NTRK2: variants seen among roughly 807,000 people sequenced by gnomAD.
NTRK2 encodes the protein BDNF/NT-3 growth factors receptor.
A neutral mutation model predicts 94.5 loss-of-function variants in NTRK2; 13 were observed. The ratio of observed to expected loss-of-function variants is 0.14; its 90% CI spans 0.09 to 0.22. NTRK2 has a LOEUF of 0.22. NTRK2 is among the 10% of genes least tolerant of loss of function. The probability of loss-of-function intolerance (pLI) is 1.00; values close to 1 mark genes in which losing one functional copy is unlikely to be tolerated. For synonymous variants in NTRK2, 372 were observed against 407.4 expected (o/e 0.91, Z 1.05); for missense variants, 639 against 1,071.2 (o/e 0.60, Z 5.63).
intron 17 of NTRK2, among the ~76,000 whole-genome samples, chr9:85,009,977 A>G (rs1017901609): frequency 1.4e-4 from 22 of 152,350 alleles, no homozygotes; most frequent in African/African-American, 5.0e-4. Context: ...TCTCAGGCTA[A>G]TGGTGGAATG....
At chr9:84,688,169 T>A (rs1423416849) in intron 2 of NTRK2, among the ~76,000 whole-genome samples, 1 of 152,132 alleles carries the variant, frequency 6.6e-6, no homozygotes, top group East Asian at 1.9e-4. Context: ...GGAAGGAGCA[T>A]CCTATTGGCT....
At chr9:84,967,605 G>C (rs1378851277) in intron 17 of NTRK2, among the ~76,000 whole-genome samples, 2 of 152,244 alleles carry the variant, frequency 1.3e-5, no homozygotes, top group African/African-American at 2.4e-5. Context: ...TTCTCATAAG[G>C]GGGTGGAGAA....
intron 14 of NTRK2, among the ~76,000 whole-genome samples, chr9:84,880,943 A>G (rs889103347): frequency 6.6e-6 from 1 of 152,256 alleles, no homozygotes; most frequent in African/African-American, 2.4e-5. Flanking sequence ...AATAAAATAC[A>G]TTCAAAATAT....
chr9:84,798,684 C>T (rs1041655982), intron 12 of NTRK2, among the ~76,000 whole-genome samples: 37 of 152,240 alleles, frequency 2.4e-4, no homozygotes, highest in Admixed American at 7.2e-4. Context: ...TCTTATCTGA[C>T]ACAGATGATT....
At chr9:84,743,176 T>A (rs2063794289) in intron 10 of NTRK2, among the ~76,000 whole-genome samples, 3 of 152,108 alleles carry the variant, frequency 2.0e-5, no homozygotes, top group Admixed American at 6.5e-5. Flanking sequence ...TTCCTAGGTG[T>A]GAAAACCCAT....
intron 12 of NTRK2, chr9:84,812,459 C>T (rs1180766053): frequency 3.2e-5 from 34 of 1,051,942 alleles, no homozygotes; most frequent in Middle Eastern, 4.3e-4. Context: ...TGGGGAGGTC[C>T]GAACATTTTC....
At position 84,948,263 on chromosome 9, in the gene NTRK2, C is replaced by G. The variant is rs12003907; in HGVS notation, c.1765-199C>G. Among the ~76,000 whole-genome samples, 1,280 of 152,276 alleles carry G rather than the reference C, an allele frequency of 8.4e-3. 10 individuals are homozygous for G. The highest frequency in any genetic ancestry group is 0.029 in the African/African-American group (1,219 of 41,542). ...CCTGTCTGTAACCTAATGAGAGAAC[C>G]TCTGTGAAAGTGTGTCATAAGCTGG... On this transcript the variant is annotated intron_variant, in intron 15 of 18. Coordinates refer to ENST00000277120, the MANE Select transcript of NTRK2 (RefSeq NM_006180.6).
At chr9:84,672,255 G>A (rs1323269865) in intron 2 of NTRK2, among the ~76,000 whole-genome samples, 1 of 152,178 alleles carries the variant, frequency 6.6e-6, no homozygotes, top group Non-Finnish European at 1.5e-5. Context: ...GGAAATGACA[G>A]CAGAGCAGAG....
chr9:84,808,443 C>T (rs970456309), intron 12 of NTRK2, among the ~76,000 whole-genome samples: 2 of 152,218 alleles, frequency 1.3e-5, no homozygotes, highest in Non-Finnish European at 2.9e-5. Context: ...CATGCTGTCT[C>T]TATCACTAAG....
intron 12 of NTRK2, among the ~76,000 whole-genome samples, chr9:84,831,097 T>C (rs2073518049): frequency 2.0e-5 from 3 of 152,252 alleles, no homozygotes; most frequent in Non-Finnish European, 2.9e-5. Flanking sequence ...ATTTTCCTAG[T>C]ATTGGATGTT....
intron 16 of NTRK2, among the ~76,000 whole-genome samples, chr9:84,951,804 G>A (rs957006435): frequency 1.3e-5 from 2 of 152,120 alleles, no homozygotes; most frequent in Admixed American, 6.5e-5. Flanking sequence ...TCCTCTTTCC[G>A]CAAGGGAGCT....
intron 17 of NTRK2, among the ~76,000 whole-genome samples, chr9:85,016,899 C>T (rs1832290708): frequency 6.6e-6 from 1 of 151,958 alleles, no homozygotes; most frequent in Non-Finnish European, 1.5e-5. Context: ...AAAATCTGCC[C>T]CAAAGAGACA....
chr9:84,990,283 G>A (rs1588130597), intron 17 of NTRK2, among the ~76,000 whole-genome samples: 1 of 152,218 alleles, frequency 6.6e-6, no homozygotes, highest in East Asian at 1.9e-4. Context: ...GCCAGCGCTT[G>A]GGAGTCAAGC....
chr9:84,793,513 C>T lies in NTRK2; in HGVS notation c.1396+41428C>T, dbSNP rs76254385. On this transcript the variant is annotated intron_variant, in intron 12 of 18. Transcript: ENST00000277120. ...TGTGGCCACCTGGAATCTTCCCAAC[C>T]GAGTCCCACAAACACCTCACTGCCT... 7.0e-3 allele frequency among the ~76,000 whole-genome samples: 1,060 copies of T among 152,216 alleles called. 16 individuals are homozygous for T. Among genetic ancestry groups the T allele is most frequent in the African/African-American group, 0.024 (992 of 41,524 alleles).
At chr9:84,678,462 G>A (rs769532487) in intron 2 of NTRK2, among the ~76,000 whole-genome samples, 5 of 152,186 alleles carry the variant, frequency 3.3e-5, no homozygotes, top group Admixed American at 6.5e-5. Flanking sequence ...TCTTCTCAAC[G>A]CTAATCTTTG....
Position 85,024,911 on chromosome 9 carries a change from A to G in NTRK2, c.*3474A>G, listed in dbSNP as rs1832959602. ...CTGTGATGTTTTCATGTATTTATGT[A>G]TGTGTTATAAATACTTGATTTATAC... On this transcript the variant is annotated 3_prime_UTR_variant, in exon 19 of 19. Transcript: ENST00000277120. 1 of 233,002 alleles carries G rather than the reference A, an allele frequency of 4.3e-6. No homozygotes were observed. Among genetic ancestry groups the G allele is most frequent in the Non-Finnish European group, 8.5e-6 (1 of 117,902 alleles). 14.4% of individuals were successfully genotyped at this position (233,002 alleles called of 1,614,324 possible).
At chr9:84,844,032 G>C (rs1054437711) in intron 12 of NTRK2, among the ~76,000 whole-genome samples, 1 of 152,192 alleles carries the variant, frequency 6.6e-6, no homozygotes, top group Non-Finnish European at 1.5e-5. Flanking sequence ...GGGTGTAAGA[G>C]GGGAGATACG....
In NTRK2 at chr9:85,023,759, G is replaced by A. The variant is rs1008435232; in HGVS notation, c.*2322G>A. On this transcript the variant is annotated 3_prime_UTR_variant, in exon 19 of 19. Transcript: ENST00000277120. The stretch of plus-strand genomic sequence containing the variant: ...GACGCAGTAAGGAAGGGGCAGATTT[G>A]TACAAAAACTTTTCTAGATTCCATC... 3.0e-5 allele frequency: 7 copies of A among 230,862 alleles called. No individual in the cohort carries two copies. Among genetic ancestry groups the A allele is most frequent in the Non-Finnish European group, 6.0e-5 (7 of 116,762 alleles). The allele number at this position is 230,862 out of a possible 1,614,324, so 14.3% of individuals were successfully genotyped here. A position where few individuals can be genotyped will look rare whatever the true frequency, so the allele number is the denominator to read the frequency against.
chr9:84,670,090 A>G (rs574140587), intron 1 of NTRK2, among the ~76,000 whole-genome samples: 5 of 151,910 alleles, frequency 3.3e-5, no homozygotes, highest in African/African-American at 1.2e-4. Context: ...TCCCCTTTAA[A>G]GGGTCCTTCG....
Sources: allele counts gnomAD v4.1 joint callset (sites outside exome capture counted in the v4.1 genomes callset), GRCh38; gene constraint gnomAD v4.1.1; transcripts MANE v1.5; gene names NCBI Gene and HGNC (gene_info 2026-07-23, HGNC 2026-07-21).